SHC3: variants seen among roughly 807,000 people sequenced by gnomAD.
SHC3 encodes SHC-transforming protein 3.
In SHC3, 15 loss-of-function variants were observed where a neutral mutation model predicts 60.4. That is an observed-to-expected ratio of 0.25 (90% CI 0.17 to 0.38). The LOEUF (loss-of-function observed/expected upper bound fraction) is 0.38. SHC3 is among the 10% of genes least tolerant of loss of function. SHC3 has a pLI of 1.00. For missense variants in SHC3, 677 were observed against 786.1 expected (o/e 0.86, Z 1.66); for synonymous variants, 294 against 325.9 (o/e 0.90, Z 1.05).
chr9:89,039,182 T>C (rs572965430), intron 10 of SHC3, among the ~76,000 whole-genome samples: 1 of 152,170 alleles, frequency 6.6e-6, no homozygotes, highest in African/African-American at 2.4e-5. Flanking sequence ...ACATACAACA[T>C]AAGCAGCACA....
chr9:89,127,886 C>G (rs1826188217), intron 1 of SHC3, among the ~76,000 whole-genome samples: 1 of 151,644 alleles, frequency 6.6e-6, no homozygotes, highest in South Asian at 2.1e-4. Context: ...TTTTTGAGAT[C>G]TGTTTTACCT....
At chr9:89,061,280 T>G (rs980199870) in intron 6 of SHC3, among the ~76,000 whole-genome samples, 2 of 152,220 alleles carry the variant, frequency 1.3e-5, no homozygotes, top group African/African-American at 4.8e-5. Context: ...AAAGAAAAGT[T>G]AGAAGCAGTG....
chr9:89,048,368 C>T (rs1824807813), intron 7 of SHC3, among the ~76,000 whole-genome samples: 1 of 152,070 alleles, frequency 6.6e-6, no homozygotes, highest in Non-Finnish European at 1.5e-5. Context: ...ACTGACAGAT[C>T]CTACAACATG....
chr9:89,103,779 G>T (rs1825817126), intron 2 of SHC3, among the ~76,000 whole-genome samples: 1 of 152,260 alleles, frequency 6.6e-6, no homozygotes, highest in East Asian at 1.9e-4. Flanking sequence ...TTAAACATGG[G>T]GGAACTGAGA....
At chr9:89,063,080 C>T (rs546995960) in intron 6 of SHC3, among the ~76,000 whole-genome samples, 2 of 152,206 alleles carry the variant, frequency 1.3e-5, no homozygotes, top group Non-Finnish European at 2.9e-5. Context: ...CCTTGACATT[C>T]TTTCCTTGAA....
At chr9:89,162,067 A>C (rs1486657148) in intron 1 of SHC3, among the ~76,000 whole-genome samples, 1 of 136,864 alleles carries the variant, frequency 7.3e-6, no homozygotes, top group East Asian at 2.0e-4. Flanking sequence ...GGAGAACTAC[A>C]AACCACTGCT....
At chr9:89,048,898 G>C (rs931950248) in intron 7 of SHC3, among the ~76,000 whole-genome samples, 1 of 152,198 alleles carries the variant, frequency 6.6e-6, no homozygotes, top group African/African-American at 2.4e-5. Flanking sequence ...GCAGGATAAG[G>C]TGAGGGGGGT....
intron 1 of SHC3, among the ~76,000 whole-genome samples, chr9:89,119,492 A>G (rs1826061555): frequency 6.6e-6 from 1 of 152,160 alleles, no homozygotes. Context: ...AATGCTAGCA[A>G]AAGAAAACAG....
chr9:89,177,634 G>C (rs919277764), intron 1 of SHC3, among the ~76,000 whole-genome samples: 9 of 152,206 alleles, frequency 5.9e-5, no homozygotes, highest in African/African-American at 2.2e-4. Flanking sequence ...GCGTTTCCTA[G>C]ATACTAGGCA....
chr9:89,095,458 G>A (rs1236395036), intron 2 of SHC3, among the ~76,000 whole-genome samples: 1 of 152,156 alleles, frequency 6.6e-6, no homozygotes, highest in African/African-American at 2.4e-5. Flanking sequence ...GACGGGGAGG[G>A]GGAAGTGGGG....
chr9:89,118,541 A>C (rs530007881), intron 1 of SHC3, among the ~76,000 whole-genome samples: 1 of 152,260 alleles, frequency 6.6e-6, no homozygotes, highest in African/African-American at 2.4e-5. Context: ...GGAGAAATGC[A>C]AAGAAACATG....
intron 1 of SHC3, among the ~76,000 whole-genome samples, chr9:89,166,986 C>T (rs1289494423): frequency 3.9e-5 from 6 of 152,184 alleles, no homozygotes; most frequent in Admixed American, 6.5e-5. Flanking sequence ...CTCCTCTTCC[C>T]GTCTCCCAGT....
intron 1 of SHC3, among the ~76,000 whole-genome samples, chr9:89,132,379 C>A (rs149321277): frequency 6.6e-6 from 1 of 151,914 alleles, no homozygotes; most frequent in African/African-American, 2.4e-5. Flanking sequence ...AAGCTATCGA[C>A]GACTTTCTTC....
intron 6 of SHC3, among the ~76,000 whole-genome samples, chr9:89,056,673 G>A (rs1026393509): frequency 6.6e-6 from 1 of 152,252 alleles, no homozygotes; most frequent in African/African-American, 2.4e-5. Flanking sequence ...CCCAGCACAT[G>A]GGCTGGCAGC....
intron 4 of SHC3, among the ~76,000 whole-genome samples, chr9:89,073,586 C>T (rs1825308901): frequency 6.6e-6 from 1 of 152,178 alleles, no homozygotes; most frequent in Non-Finnish European, 1.5e-5. Context: ...ACCAAACTAC[C>T]AGTCCCCTGG....
chr9:89,069,484 G>A lies in SHC3; in HGVS notation c.783+1715C>T, dbSNP rs145667350. ...GTGGTTGACTTTTGACAAGAAGATC[G>A]AAAGTATGAAAACAAGGCCCAAGCC... On this transcript the variant is annotated intron_variant, in intron 5 of 11. Coordinates refer to ENST00000375835, the MANE Select transcript of SHC3 (RefSeq NM_016848.6). Among the ~76,000 whole-genome samples, 17 of 152,324 alleles carry A rather than the reference G, an allele frequency of 1.1e-4. No homozygotes were observed. In the East Asian group the frequency reaches 3.3e-3, roughly 29 times the overall value.
chr9:89,178,613 G>T lies in SHC3; in HGVS notation c.-153C>A, dbSNP rs933076628. ...TCTGGAGAACGAGAGCAGAGCAAGA[G>T]GATGGTGCCCTCCCACCGTTAAAAG... On this transcript the variant is annotated 5_prime_UTR_variant, in exon 1 of 12. Transcript: ENST00000375835. The surrounding 1 kb of genome is among the most constrained non-coding windows in gnomAD (Gnocchi z 6.9). 5 of 585,442 alleles carry T rather than the reference G, an allele frequency of 8.5e-6. No individual in the cohort carries two copies. The highest frequency in any genetic ancestry group is 1.3e-5 in the Non-Finnish European group (5 of 373,656). 36.3% of individuals were successfully genotyped at this position (585,442 alleles called of 1,614,324 possible). A position where few individuals can be genotyped will look rare whatever the true frequency, so the allele number is the denominator to read the frequency against.
At chr9:89,044,066 T>C (rs536205602) in intron 9 of SHC3, among the ~76,000 whole-genome samples, 1 of 152,372 alleles carries the variant, frequency 6.6e-6, no homozygotes, top group South Asian at 2.1e-4. Context: ...CTGGAATAAC[T>C]TGAATATATC....
At chr9:89,043,298 A>C (rs1824717128) in intron 9 of SHC3, among the ~76,000 whole-genome samples, 1 of 152,136 alleles carries the variant, frequency 6.6e-6, no homozygotes, top group Non-Finnish European at 1.5e-5. Context: ...AACATCATGG[A>C]CTGTGTTTCT....
Sources: allele counts gnomAD v4.1 joint callset (sites outside exome capture counted in the v4.1 genomes callset), GRCh38; gene constraint gnomAD v4.1.1; non-coding constraint Gnocchi (gnomAD v3.1); transcripts MANE v1.5; gene names NCBI Gene and HGNC (gene_info 2026-07-23, HGNC 2026-07-21).